Variants in MAGI2 observed in about 807,000 individuals in gnomAD.
MAGI2 encodes the protein membrane-associated guanylate kinase, WW and PDZ domain-containing protein 2.
In MAGI2, 35 loss-of-function variants were observed where a neutral mutation model predicts 133.3. The observed-to-expected ratio is 0.26, with a 90% confidence interval of 0.20 to 0.35. MAGI2 has a LOEUF of 0.35. MAGI2 is among the 10% of genes least tolerant of loss of function. The pLI is 1.00. For missense variants in MAGI2, 1,636 were observed against 1,863.4 expected (o/e 0.88, Z 2.25); for synonymous variants, 729 against 710.6 (o/e 1.03, Z -0.41).
intron 3 of MAGI2, among the ~76,000 whole-genome samples, chr7:78,556,879 G>A (rs1285610385): frequency 1.3e-5 from 2 of 151,818 alleles, no homozygotes; most frequent in African/African-American, 2.4e-5. Context: ...ATGAGGTCAG[G>A]AGATCAAGAC....
intron 2 of MAGI2, among the ~76,000 whole-genome samples, chr7:78,829,089 G>C (rs762689912): frequency 2.0e-5 from 3 of 152,140 alleles, no homozygotes; most frequent in Non-Finnish European, 2.9e-5. Flanking sequence ...ATTTTGTGCA[G>C]TTACAAGACT....
intron 3 of MAGI2, among the ~76,000 whole-genome samples, chr7:78,607,412 G>C (rs1478009388): frequency 6.6e-6 from 1 of 151,098 alleles, no homozygotes; most frequent in Non-Finnish European, 1.5e-5. Flanking sequence ...AGGCCCAGTA[G>C]TTGTTAGAAG....
chr7:79,361,591 T>A (rs1280246517), intron 1 of MAGI2, among the ~76,000 whole-genome samples: 1 of 152,214 alleles, frequency 6.6e-6, no homozygotes, highest in South Asian at 2.1e-4. Flanking sequence ...CACAAGTGGC[T>A]GGTCGTGGAA....
At chr7:78,092,718 T>G (rs900276840) in intron 20 of MAGI2, among the ~76,000 whole-genome samples, 7 of 152,142 alleles carry the variant, frequency 4.6e-5, no homozygotes, top group African/African-American at 1.7e-4. Flanking sequence ...CACTTTTCAG[T>G]TTCGGTTAAT....
At chr7:78,493,850 TA>T (rs150670483) in intron 5 of MAGI2, among the ~76,000 whole-genome samples, 31,405 of 152,128 alleles carry the variant, frequency 0.21, 5,210 homozygotes, top group African/African-American at 0.46. Context: ...AGTATGATAT[TA>T]AAGTTCCATG....
chr7:78,192,227 T>A (rs185106566), intron 12 of MAGI2, among the ~76,000 whole-genome samples: 2 of 152,158 alleles, frequency 1.3e-5, no homozygotes, highest in African/African-American at 2.4e-5. Context: ...GCACTGATTT[T>A]TCCCCCCCCA....
intron 10 of MAGI2, among the ~76,000 whole-genome samples, chr7:78,206,333 C>G (rs1483240905): frequency 6.8e-6 from 1 of 146,328 alleles, no homozygotes; most frequent in Non-Finnish European, 1.5e-5. Flanking sequence ...GCTCTGTTGC[C>G]TAGGCTGGAG....
chr7:79,062,754 C>T (rs1478106299), intron 1 of MAGI2, among the ~76,000 whole-genome samples: 4 of 152,100 alleles, frequency 2.6e-5, no homozygotes, highest in Non-Finnish European at 5.9e-5. Context: ...TCCCTGTCAT[C>T]GATGTTTCCT....
intron 1 of MAGI2, among the ~76,000 whole-genome samples, chr7:79,151,932 G>T (rs1210045263): frequency 6.6e-6 from 1 of 152,108 alleles, no homozygotes; most frequent in African/African-American, 2.4e-5. Context: ...GATTGTGATA[G>T]AACATGAATC....
At chr7:78,560,308 C>T (rs1381822917) in intron 3 of MAGI2, among the ~76,000 whole-genome samples, 1 of 152,126 alleles carries the variant, frequency 6.6e-6, no homozygotes, top group Non-Finnish European at 1.5e-5. Context: ...GTCCAACTGA[C>T]ATTTGGACAG....
intron 1 of MAGI2, among the ~76,000 whole-genome samples, chr7:79,342,853 G>A (rs2129101875): frequency 6.6e-6 from 1 of 152,112 alleles, no homozygotes; most frequent in Admixed American, 6.6e-5. Context: ...TCTGCCTCCT[G>A]GGTTCAACTG....
At chr7:78,828,742 G>T (rs986936152) in intron 2 of MAGI2, among the ~76,000 whole-genome samples, 5 of 152,112 alleles carry the variant, frequency 3.3e-5, no homozygotes, top group Non-Finnish European at 5.9e-5. Context: ...TGAGTGGTGT[G>T]TAGAAACTCT....
chr7:79,208,548 T>C (rs1322080336), intron 1 of MAGI2, among the ~76,000 whole-genome samples: 1 of 151,924 alleles, frequency 6.6e-6, no homozygotes, highest in African/African-American at 2.4e-5. Context: ...AGTGAAAATG[T>C]GGAGAAAAGA....
intron 14 of MAGI2, among the ~76,000 whole-genome samples, chr7:78,172,936 T>G (rs938174069): frequency 6.6e-6 from 1 of 152,226 alleles, no homozygotes; most frequent in Non-Finnish European, 1.5e-5. Context: ...AGGACTAATT[T>G]TTTGGCTTTG....
At chr7:78,637,555 C>T (rs1809810116) in intron 2 of MAGI2, among the ~76,000 whole-genome samples, 1 of 152,014 alleles carries the variant, frequency 6.6e-6, no homozygotes. Flanking sequence ...AATAGCATTG[C>T]ATTATTTTCA....
intron 6 of MAGI2, among the ~76,000 whole-genome samples, chr7:78,468,754 C>G (rs1790898344): frequency 6.6e-6 from 1 of 152,162 alleles, no homozygotes; most frequent in South Asian, 2.1e-4. Flanking sequence ...CCTCTGATAT[C>G]TTGGCTACTA....
intron 21 of MAGI2, among the ~76,000 whole-genome samples, chr7:78,066,649 A>G (rs1813860093): frequency 6.6e-6 from 1 of 152,174 alleles, no homozygotes; most frequent in African/African-American, 2.4e-5. Context: ...ATCATGGACT[A>G]CAGTTCTTTA....
intron 16 of MAGI2, among the ~76,000 whole-genome samples, chr7:78,139,181 C>T (rs1584103171): frequency 6.6e-6 from 1 of 152,190 alleles, no homozygotes. Context: ...TAAGTGAGCA[C>T]ACAGTTTAAA....
chr7:79,116,794 T>G (rs1819449828), intron 1 of MAGI2, among the ~76,000 whole-genome samples: 1 of 152,084 alleles, frequency 6.6e-6, no homozygotes, highest in African/African-American at 2.4e-5. Flanking sequence ...TTCTGCCCCC[T>G]TCTCTCTCTC....
Sources: gnomAD v4.1 joint callset for allele counts (sites outside exome capture counted in the v4.1 genomes callset) on GRCh38, gnomAD v4.1.1 for gene constraint, MANE v1.5 for transcripts, NCBI Gene and HGNC (gene_info 2026-07-23, HGNC 2026-07-21) for gene names.